CACNA1C: variants seen among roughly 807,000 people sequenced by gnomAD.
The protein encoded by CACNA1C is calcium voltage-gated channel subunit alpha1 C, also known as voltage-dependent L-type calcium channel subunit alpha-1C.
In CACNA1C, 30 loss-of-function variants were observed where a neutral mutation model predicts 229.0. The ratio of observed to expected loss-of-function variants is 0.13; its 90% CI spans 0.10 to 0.18. CACNA1C has a LOEUF of 0.18. Ranked by LOEUF, CACNA1C falls within the 10% of genes least tolerant of loss-of-function variation. The pLI is 1.00. For synonymous variants in CACNA1C, 1,114 were observed against 1,132.5 expected (o/e 0.98, Z 0.33); for missense variants, 1,658 against 2,845.0 (o/e 0.58, Z 9.49).
chr12:2,210,964 C>T (rs2097902471), intron 3 of CACNA1C, among the ~76,000 whole-genome samples: 1 of 152,048 alleles, frequency 6.6e-6, no homozygotes, highest in Non-Finnish European at 1.5e-5. Context: ...TTATGTGTAT[C>T]AAGATGGTTA....
rs11062317 is a variant in CACNA1C, at chr12:2,689,383, G to A, written c.6117+604G>A. Among the ~76,000 whole-genome samples the A allele has an allele frequency of 0.81, 122,245 of 151,840 alleles. 52,575 individuals are homozygous for A. Among genetic ancestry groups the A allele is most frequent in the South Asian group, 0.96 (4,600 of 4,806 alleles). On this transcript the variant is annotated intron_variant, in intron 46 of 46. Transcript: ENST00000399655. This position sits in a 1 kb window ranked among gnomAD's most constrained non-coding sequence, Gnocchi z 4.2. ...CTAGAAACCATTTCCTAGGAGAACC[G>A]TTTCAGGGAATTCGGGAAGAAAACC... is the stretch of plus-strand genomic sequence containing the variant.
At chr12:2,453,923 GATTC>G (rs1361764045) in intron 4 of CACNA1C, among the ~76,000 whole-genome samples, 1 of 152,158 alleles carries the variant, frequency 6.6e-6, no homozygotes, top group East Asian at 1.9e-4. Flanking sequence ...GTCACTTCCT[GATTC>G]TCCCTGAGGG....
chr12:2,080,478 G>T (rs1302978012), intron 1 of CACNA1C, among the ~76,000 whole-genome samples: 1 of 150,616 alleles, frequency 6.6e-6, no homozygotes, highest in African/African-American at 2.4e-5. Context: ...GCAGGCGCCT[G>T]TAATCCCAGC....
intron 1 of CACNA1C, among the ~76,000 whole-genome samples, chr12:2,023,353 AG>A (rs1297633826): frequency 6.6e-6 from 1 of 152,164 alleles, no homozygotes; most frequent in Non-Finnish European, 1.5e-5. Flanking sequence ...TGCGTGGAGA[AG>A]GGCTGAGTTC....
At chr12:2,673,833 C>T (rs533607374) in intron 38 of CACNA1C, among the ~76,000 whole-genome samples, 1 of 152,268 alleles carries the variant, frequency 6.6e-6, no homozygotes, top group Admixed American at 6.5e-5. Flanking sequence ...GTCATAGGTG[C>T]CGTGTGCCAT....
chr12:2,636,988 G>T (rs1010434391), intron 30 of CACNA1C, among the ~76,000 whole-genome samples: 6 of 152,154 alleles, frequency 3.9e-5, no homozygotes, highest in Middle Eastern at 3.2e-3. Context: ...GGTGTCCTGA[G>T]ACCCAACACC....
intron 1 of CACNA1C, chr12:1,997,904 T>C: frequency 5.2e-6 from 8 of 1,552,124 alleles, no homozygotes; most frequent in Non-Finnish European, 7.1e-6. Flanking sequence ...TTTTGAAGAT[T>C]AGTTTCTTTA....
At chr12:2,137,709 A>G (rs1323755445) in intron 3 of CACNA1C, among the ~76,000 whole-genome samples, 4 of 150,698 alleles carry the variant, frequency 2.7e-5, no homozygotes, top group Admixed American at 6.7e-5. Context: ...TTTTTCTGGC[A>G]CATTCCTCTG....
At chr12:2,340,785 ATC>A (rs2096838846) in intron 3 of CACNA1C, among the ~76,000 whole-genome samples, 1 of 150,532 alleles carries the variant, frequency 6.6e-6, no homozygotes, top group South Asian at 2.1e-4. Flanking sequence ...GTGAAACCCC[ATC>A]TCTCTAAAAA....
At position 2,366,989 on chromosome 12, in the gene CACNA1C, G is replaced by A. The variant is rs189709594; in HGVS notation, c.478-81987G>A. Among the ~76,000 whole-genome samples the A allele has an allele frequency of 2.0e-3, 306 of 152,252 alleles. 2 individuals carry two copies. Among genetic ancestry groups the A allele is most frequent in the African/African-American group, 6.4e-3 (266 of 41,554 alleles). On this transcript the variant is annotated intron_variant, in intron 3 of 46. Transcript: ENST00000399655. ...TCATGAGAACAGTAAGGGGAAGTCC[G>A]CCCCATGATTCAGTAATGTCCCACC...
At chr12:2,455,606 T>C (rs545854220) in intron 4 of CACNA1C, among the ~76,000 whole-genome samples, 13 of 152,308 alleles carry the variant, frequency 8.5e-5, no homozygotes, top group Admixed American at 2.6e-4. Flanking sequence ...CTGTCTATCC[T>C]CACGGCCTCC....
In CACNA1C at chr12:2,605,243, G is replaced by T; in HGVS notation, c.3048+75G>T. The T allele has an allele frequency of 6.7e-6, 7 of 1,051,296 alleles. No individual in the cohort carries two copies. Among genetic ancestry groups the T allele is most frequent in the South Asian group, 3.9e-5 (3 of 76,454 alleles). The allele number at this position is 1,051,296 out of a possible 1,614,324, so 65.1% of individuals were successfully genotyped here. ...GGGAGCTCCACAGAGGTGAGGGGTG[G>T]GTTGGAAGGAGATGATGGTCAGACC... On this transcript the variant is annotated intron_variant, in intron 23 of 46. Transcript: ENST00000399655. This position sits in a 1 kb window ranked among gnomAD's most constrained non-coding sequence, Gnocchi z 6.2.
intron 5 of CACNA1C, 135 bp downstream of exon 5, chr12:2,457,841 T>A (rs1213813089): frequency 2.5e-6 from 2 of 802,096 alleles, no homozygotes; most frequent in Non-Finnish European, 3.6e-6. Flanking sequence ...TGTTTTAAAA[T>A]GAGTTCCTTT....
At chr12:2,429,781 C>T (rs945060319) in intron 3 of CACNA1C, among the ~76,000 whole-genome samples, 7 of 152,070 alleles carry the variant, frequency 4.6e-5, no homozygotes, top group African/African-American at 1.4e-4. Flanking sequence ...TTCTATGGGC[C>T]AAAACACCAG....
At chr12:2,283,859 T>C (rs550229608) in intron 3 of CACNA1C, among the ~76,000 whole-genome samples, 1 of 152,348 alleles carries the variant, frequency 6.6e-6, no homozygotes, top group East Asian at 1.9e-4. Context: ...GCTTCATTCA[T>C]GCAGGCATGA....
At chr12:2,468,571 T>C (rs1348643755) in intron 5 of CACNA1C, among the ~76,000 whole-genome samples, 1 of 152,218 alleles carries the variant, frequency 6.6e-6, no homozygotes. Flanking sequence ...AGAACACAGC[T>C]TCCTGAGCCG....
chr12:2,677,668 G>A lies in CACNA1C; in HGVS notation c.4957-65G>A. On this transcript the variant is annotated intron_variant, in intron 40 of 46. Coordinates refer to ENST00000399655, the MANE Select transcript of CACNA1C (RefSeq NM_000719.7). This position sits in a 1 kb window ranked among gnomAD's most constrained non-coding sequence, Gnocchi z 7.4. Reference sequence around the variant, plus strand: ...GAGGGACAGGTCTTGGCCCGAGGCTGTGGCTGGCTGGGGAGCTTGGAGGAA... The same window carrying A: ...GAGGGACAGGTCTTGGCCCGAGGCTATGGCTGGCTGGGGAGCTTGGAGGAA... The A allele has an allele frequency of 6.4e-7, 1 of 1,562,398 alleles. No individual in the cohort carries two copies.
At chr12:2,232,242 TTTTTTTTTTTG>T (rs1391795999) in intron 3 of CACNA1C, among the ~76,000 whole-genome samples, 2 of 146,408 alleles carry the variant, frequency 1.4e-5, no homozygotes, top group African/African-American at 5.1e-5. Context: ...TTTTTTTTTT[TTTTTTTTTTTG>T]TTTGTTTGTT....
In CACNA1C at chr12:2,044,180, A is replaced by G. The variant is rs140028291; in HGVS notation, c.140-71044A>G. On this transcript the variant is annotated intron_variant, in intron 1 of 46. Coordinates refer to the CACNA1C transcript ENST00000682462. ...GAGGCAAAAATGTAAACCTTGGGAG[A>G]TTGAAACTTACCTTCAAGTATGACT... Among the ~76,000 whole-genome samples, 859 of 152,336 alleles carry G rather than the reference A, an allele frequency of 5.6e-3. 14 individuals are homozygous for G. Among genetic ancestry groups the G allele is most frequent in the South Asian group, 0.035 (170 of 4,824 alleles).
Sources: gnomAD v4.1 joint callset for allele counts (sites outside exome capture counted in the v4.1 genomes callset) on GRCh38, gnomAD v4.1.1 for gene constraint, Gnocchi (gnomAD v3.1) non-coding constraint, MANE v1.5 for transcripts, NCBI Gene and HGNC (gene_info 2026-07-23, HGNC 2026-07-21) for gene names.